The following ORC3 variants were observed in gnomAD, a reference collection of about 807,000 sequenced individuals.
The protein encoded by ORC3 is homolog of latheo, Drosophila.
ORC3 carries 78 observed loss-of-function variants against 100.7 expected under a neutral mutation model. That is an observed-to-expected ratio of 0.77 (90% confidence interval 0.65 to 0.94). ORC3 has a LOEUF of 0.94. Among genes scored for constraint, ORC3 ranks in the 40% least tolerant of loss-of-function variants. The pLI is 0.00. For missense variants in ORC3, 789 were observed against 823.9 expected (o/e 0.96, Z 0.52); for synonymous variants, 295 against 289.3 (o/e 1.02, Z -0.20).
intron 16 of ORC3, among the ~76,000 whole-genome samples, chr6:87,658,456 CAAA>C (rs34769498): frequency 1.5e-5 from 2 of 133,288 alleles, no homozygotes; most frequent in African/African-American, 2.8e-5. Flanking sequence ...GACTCCGTCT[CAAA>C]AAAAAAAAAA....
At chr6:87,642,625 G>A (rs972363690) in intron 13 of ORC3, among the ~76,000 whole-genome samples, 3 of 151,652 alleles carry the variant, frequency 2.0e-5, no homozygotes, top group Admixed American at 6.6e-5. Context: ...ATAAATGGCC[G>A]GGTGTGGTGG....
intron 13 of ORC3, among the ~76,000 whole-genome samples, chr6:87,648,343 G>T (rs1042812818): frequency 6.6e-6 from 1 of 152,190 alleles, no homozygotes; most frequent in Non-Finnish European, 1.5e-5. Context: ...TCCACTGTTA[G>T]CTATTTGCAC....
intron 8 of ORC3, 113 bp from the exon 9 acceptor site, chr6:87,616,201 T>C (rs979334088): frequency 4.4e-6 from 2 of 454,808 alleles, no homozygotes; most frequent in Non-Finnish European, 8.1e-6. Context: ...TATTGCAGCT[T>C]TCATAGTTAA....
At chr6:87,658,471 G>A (rs1231663391) in intron 16 of ORC3, among the ~76,000 whole-genome samples, 1 of 143,222 alleles carries the variant, frequency 7.0e-6, no homozygotes, top group Non-Finnish European at 1.5e-5. Flanking sequence ...AAAAAAAAAA[G>A]AATTGTAATT....
At chr6:87,656,071 T>C (rs1346826579) in intron 14 of ORC3, among the ~76,000 whole-genome samples, 2 of 152,178 alleles carry the variant, frequency 1.3e-5, no homozygotes, top group Admixed American at 1.3e-4. Flanking sequence ...ATGAGAGCAT[T>C]ATGCTCTCTA....
At chr6:87,614,699 GCAAAATGCCGCCAGTCT>G (rs1184354400) in intron 8 of ORC3, among the ~76,000 whole-genome samples, 2 of 152,136 alleles carry the variant, frequency 1.3e-5, no homozygotes, top group African/African-American at 4.8e-5. Context: ...TGGGGCAGGG[GCAAAATGCCGCCAGTCT>G]CTTTGCTAAA....
At chr6:87,639,255 A>T (rs1376164495) in intron 13 of ORC3, among the ~76,000 whole-genome samples, 1 of 152,204 alleles carries the variant, frequency 6.6e-6, no homozygotes, top group Non-Finnish European at 1.5e-5. Context: ...ACCACAGATC[A>T]GATGAGATCC....
downstream of ORC3, among the ~76,000 whole-genome samples, chr6:87,672,446 C>T (rs145366882): frequency 9.1e-4 from 138 of 152,296 alleles, 1 homozygote; most frequent in East Asian, 0.023. Flanking sequence ...GTTTGCATCT[C>T]GTGCTCCTTA....
rs371408480 is a variant in ORC3 at position 87,643,673 on chromosome 6, A to C, written c.1382+7187A>C. 1.2e-3 allele frequency among the ~76,000 whole-genome samples: 183 copies of C among 152,346 alleles called. 2 individuals are homozygous for C. The highest frequency in any genetic ancestry group is 4.3e-3 in the African/African-American group (180 of 41,582). The stretch of plus-strand genomic sequence containing the variant: ...TCACTTTTCTGTTAGCAAAATGAAC[A>C]GATAACTAAGAAACATTAATTTTAA... On this transcript the variant is annotated intron_variant, in intron 13 of 19. Transcript: ENST00000392844.
intron 7 of ORC3, chr6:87,609,510 C>A: frequency 8.4e-6 from 2 of 237,520 alleles, no homozygotes; most frequent in East Asian, 8.5e-5. Context: ...CTTACTCACC[C>A]ATTAAATAGA....
At chr6:87,627,381 C>T (rs183313698) in intron 11 of ORC3, among the ~76,000 whole-genome samples, 29 of 149,220 alleles carry the variant, frequency 1.9e-4, no homozygotes, top group African/African-American at 6.5e-4. Flanking sequence ...CTGCAACCTC[C>T]ACCTCCTGGG....
In ORC3 at chr6:87,603,474, G is replaced by A; in HGVS notation, c.268G>A (p.Asp90Asn). The change falls in exon 4 of 20, where the codon GAC (aspartate) becomes AAC (asparagine). Residue 90 changes from aspartate (D) to asparagine (N), a missense_variant. Asp to Asn is a conservative substitution (Grantham distance 23). Around this residue, in one of 3 missense-constraint regions of ORC3, gnomAD observed 399 missense variants for 382.0 expected, o/e 1.04. Transcript: ENST00000392844. ...TTCTGGATTCCAGAAGAATTCAAGA[G>A]ACTTGGGCGGTCAAATAAAACTCAG... ...SHSGFQKNSR[D>N]LGGQIKLREI... 6.5e-7 allele frequency: 1 copy of A among 1,534,334 alleles called. No individual in the cohort carries two copies. The highest frequency in any genetic ancestry group is 8.9e-7 in the Non-Finnish European group (1 of 1,124,598).
the ORC3 span, chr6:87,675,492 C>A: frequency 6.7e-7 from 1 of 1,496,860 alleles, no homozygotes; most frequent in South Asian, 1.2e-5. Flanking sequence ...CTTGAAATAA[C>A]CTGTATTCAC....
At chr6:87,645,711 A>G (rs976975090) in intron 13 of ORC3, among the ~76,000 whole-genome samples, 2 of 152,172 alleles carry the variant, frequency 1.3e-5, no homozygotes, top group South Asian at 2.1e-4. Flanking sequence ...ATAATCAGAC[A>G]TTTATATAAT....
intron 3 of ORC3, among the ~76,000 whole-genome samples, chr6:87,602,954 A>ATTTATATATTATATATATACACGTTT (rs1554236515): frequency 1.0e-5 from 1 of 95,300 alleles, no homozygotes; most frequent in Non-Finnish European, 2.1e-5. Context: ...ACACATATAT[A>ATTTATATATTATATATATACACGTTT]ATATATATAT....
chr6:87,628,170 A>C (rs1780060947), intron 11 of ORC3, among the ~76,000 whole-genome samples: 1 of 152,228 alleles, frequency 6.6e-6, no homozygotes, highest in Non-Finnish European at 1.5e-5. Context: ...GGAGCTGAAC[A>C]ATGAGAGCAC....
chr6:87,642,221 G>C (rs1369460902), intron 13 of ORC3, among the ~76,000 whole-genome samples: 2 of 152,188 alleles, frequency 1.3e-5, no homozygotes, highest in African/African-American at 4.8e-5. Flanking sequence ...CAGCCCAGGA[G>C]GTTGAGGCTG....
In ORC3 at chr6:87,605,943, A is replaced by G. The variant is rs1358788635; in HGVS notation, c.349A>G (p.Thr117Ala). Residue 117 changes from threonine (T) to alanine (A), a missense_variant, in exon 5 of 20, where the codon ACA becomes GCA. This residue lies in a region of ORC3 where 399 missense variants were observed against 382.0 expected (regional missense o/e 1.04). Transcript: ENST00000392844. ...LGVNVTDHDL[T>A]FGSLTEALQN... ...TGTGAATGTCACAGATCATGATTTG[A>G]CATTCGGAAGTCTAACAGAGGCCCT... 5.6e-6 allele frequency: 9 copies of G among 1,603,084 alleles called. No individual in the cohort carries two copies. Among genetic ancestry groups the G allele is most frequent in the Non-Finnish European group, 7.7e-6 (9 of 1,170,332 alleles).
intron 14 of ORC3, among the ~76,000 whole-genome samples, chr6:87,654,070 G>A (rs1769481057): frequency 6.6e-6 from 1 of 152,088 alleles, no homozygotes; most frequent in Non-Finnish European, 1.5e-5. Flanking sequence ...ATGGAGTTTT[G>A]GGGGAACAGG....
Sources: allele counts gnomAD v4.1 joint callset (sites outside exome capture counted in the v4.1 genomes callset), GRCh38; gene constraint gnomAD v4.1.1; regional missense constraint gnomAD v4.1.1; transcripts MANE v1.5; gene names NCBI Gene and HGNC (gene_info 2026-07-23, HGNC 2026-07-21).